Variants in TSPAN5 observed in about 807,000 individuals in gnomAD.
The protein encoded by TSPAN5 is tetraspanin-5.
In TSPAN5, 10 loss-of-function variants were observed where a neutral mutation model predicts 37.1. The ratio of observed to expected loss-of-function variants is 0.27; its 90% CI spans 0.17 to 0.46. The LOEUF (loss-of-function observed/expected upper bound fraction) is 0.46. Ranked by LOEUF, TSPAN5 falls within the 20% of genes least tolerant of loss-of-function variation. TSPAN5 has a pLI of 1.00. For missense variants in TSPAN5, 195 were observed against 326.6 expected, an observed-to-expected ratio of 0.60 and a Z score of 3.11; for synonymous variants, 110 against 118.9, an observed-to-expected ratio of 0.93 and a Z score of 0.48.
intron 2 of TSPAN5, among the ~76,000 whole-genome samples, chr4:98,493,096 G>A (rs1753120278): frequency 6.6e-6 from 1 of 152,124 alleles, no homozygotes; most frequent in Non-Finnish European, 1.5e-5. Context: ...AAGATCACTT[G>A]AGCCCACGAG....
At chr4:98,543,113 T>C (rs1343891887) in intron 1 of TSPAN5, among the ~76,000 whole-genome samples, 3 of 152,186 alleles carry the variant, frequency 2.0e-5, no homozygotes, top group African/African-American at 7.2e-5. Context: ...AATATACTAC[T>C]TCAAAATCGT....
intron 1 of TSPAN5, among the ~76,000 whole-genome samples, chr4:98,599,124 A>T (rs1361643071): frequency 6.6e-6 from 1 of 152,210 alleles, no homozygotes; most frequent in Non-Finnish European, 1.5e-5. Flanking sequence ...TATAATCTAA[A>T]AAGCCATTTT....
rs1194318640 is a variant in TSPAN5, at chr4:98,533,939, T to TAAAAAAAAAAAAAAAAAAAAAAAAAAAA, written c.82-26212_82-26211insTTTTTTTTTTTTTTTTTTTTTTTTTTTT. Among the ~76,000 whole-genome samples, 24 of 31,154 alleles carry TAAAAAAAAAAAAAAAAAAAAAAAAAAAA rather than the reference T, an allele frequency of 7.7e-4. 5 individuals are homozygous for TAAAAAAAAAAAAAAAAAAAAAAAAAAAA. Among genetic ancestry groups the TAAAAAAAAAAAAAAAAAAAAAAAAAAAA allele is most frequent in the African/African-American group, 9.2e-4 (5 of 5,450 alleles). 20.4% of individuals were successfully genotyped at this position (31,154 alleles called of 152,430 possible). A position where few individuals can be genotyped will look rare whatever the true frequency, so the allele number is the denominator to read the frequency against. On this transcript the variant is annotated intron_variant, in intron 1 of 7. Coordinates refer to ENST00000305798, the MANE Select transcript of TSPAN5 (RefSeq NM_005723.4). ...AGTGGTCTATCCATTTTGTTGATCT[T>TAAAAAAAAAAAAAAAAAAAAAAAAAAAA]AAAAAAAAAAAAAAAAAAAAAAACC...
rs1752555128 is a variant in TSPAN5 at position 98,470,390 on chromosome 4, T to C, written c.*2132A>G. 2 of 152,248 alleles carry C rather than the reference T, an allele frequency of 1.3e-5. No homozygotes were observed. The highest frequency in any genetic ancestry group is 6.5e-5 in the Admixed American group (1 of 15,286). The allele number at this position is 152,248 out of a possible 1,614,324, so 9.4% of individuals were successfully genotyped here. On this transcript the variant is annotated 3_prime_UTR_variant, in exon 8 of 8. Transcript: ENST00000305798. ...TGTAAGGTAGAACCAAGTTTATTAA[T>C]GACAGCCTTTATTACAATCACTCTC...
intron 1 of TSPAN5, among the ~76,000 whole-genome samples, chr4:98,572,147 A>G (rs934097151): frequency 2.0e-5 from 3 of 152,046 alleles, no homozygotes; most frequent in African/African-American, 7.2e-5. Context: ...TATTTTTAGT[A>G]GAGACGGGGT....
At chr4:98,490,658 T>C (rs1041615195) in intron 2 of TSPAN5, among the ~76,000 whole-genome samples, 1 of 152,238 alleles carries the variant, frequency 6.6e-6, no homozygotes, top group African/African-American at 2.4e-5. Flanking sequence ...CACGTAGTTA[T>C]CAGTTGAAAA....
Position 98,478,602 on chromosome 4 carries a change from A to G in TSPAN5, c.576+83T>C. 2 of 1,580,622 alleles carry G rather than the reference A, an allele frequency of 1.3e-6. 1 individual carries two copies. Among genetic ancestry groups the G allele is most frequent in the South Asian group, 2.2e-5 (2 of 90,100 alleles). Reference sequence around the variant, plus strand: ...AGTAACCAGGTAAGAAGAGGGTTCAACCAAAAAATCACTCTGCTCGTCCCA... The same window carrying G: ...AGTAACCAGGTAAGAAGAGGGTTCAGCCAAAAAATCACTCTGCTCGTCCCA... On this transcript the variant is annotated intron_variant, in intron 5 of 7. Coordinates refer to ENST00000305798, the MANE Select transcript of TSPAN5 (RefSeq NM_005723.4).
chr4:98,628,187 A>T (rs549392372), intron 1 of TSPAN5, among the ~76,000 whole-genome samples: 80 of 152,364 alleles, frequency 5.3e-4, no homozygotes, highest in Non-Finnish European at 9.3e-4. Flanking sequence ...TGTTCACTGT[A>T]CAAAAGGACT....
At chr4:98,614,381 T>C (rs994930090) in intron 1 of TSPAN5, among the ~76,000 whole-genome samples, 2 of 151,622 alleles carry the variant, frequency 1.3e-5, no homozygotes, top group Admixed American at 1.3e-4. Context: ...GCGGGTAGAG[T>C]GGGCTGCATT....
At chr4:98,563,491 G>C (rs1754923166) in intron 1 of TSPAN5, among the ~76,000 whole-genome samples, 2 of 152,062 alleles carry the variant, frequency 1.3e-5, no homozygotes, top group Non-Finnish European at 1.5e-5. Flanking sequence ...TTTGTCCTTT[G>C]GCTCATACAT....
intron 1 of TSPAN5, among the ~76,000 whole-genome samples, chr4:98,618,776 T>C (rs1756406293): frequency 6.6e-6 from 1 of 152,160 alleles, no homozygotes; most frequent in Non-Finnish European, 1.5e-5. Context: ...TAAGCAGCAA[T>C]CACCTTCCAT....
intron 1 of TSPAN5, among the ~76,000 whole-genome samples, chr4:98,608,209 T>C (rs942441903): frequency 1.3e-5 from 2 of 152,172 alleles, no homozygotes; most frequent in South Asian, 2.1e-4. Context: ...CCGTTCCCTA[T>C]CACAGATAAA....
intron 1 of TSPAN5, among the ~76,000 whole-genome samples, chr4:98,601,344 C>T (rs546430615): frequency 2.0e-5 from 3 of 152,226 alleles, no homozygotes; most frequent in African/African-American, 7.2e-5. Context: ...CAATAGCAGG[C>T]TGTTTCATCT....
intron 5 of TSPAN5, among the ~76,000 whole-genome samples, chr4:98,476,773 G>A (rs1752711250): frequency 6.6e-6 from 1 of 152,138 alleles, no homozygotes. Context: ...GAAGCTTATG[G>A]GATTTAGGGA....
At chr4:98,613,117 T>C (rs1450213694) in intron 1 of TSPAN5, among the ~76,000 whole-genome samples, 1 of 148,608 alleles carries the variant, frequency 6.7e-6, no homozygotes, top group Admixed American at 6.8e-5. Flanking sequence ...TCACAACACA[T>C]CTGGGTTGAG....
In TSPAN5 at chr4:98,558,275, A is replaced by G. The variant is rs558041742; in HGVS notation, c.82-50547T>C. ...GCACCAGGGAACAAGCATTTCTAACATAAGGTGTTAGTAACAGGGGAAAAT... is the reference window on the plus strand; with the variant it reads ...GCACCAGGGAACAAGCATTTCTAACGTAAGGTGTTAGTAACAGGGGAAAAT... On this transcript the variant is annotated intron_variant, in intron 1 of 7. Coordinates refer to ENST00000305798, the MANE Select transcript of TSPAN5 (RefSeq NM_005723.4). 3.3e-5 allele frequency among the ~76,000 whole-genome samples: 5 copies of G among 149,258 alleles called. No individual in the cohort carries two copies. The South Asian group carries it at 1.1e-3, about 32-fold the overall frequency.
At chr4:98,497,924 A>G (rs1753252334) in intron 2 of TSPAN5, among the ~76,000 whole-genome samples, 1 of 152,122 alleles carries the variant, frequency 6.6e-6, no homozygotes, top group Non-Finnish European at 1.5e-5. Context: ...AGAAGAGATG[A>G]AGAGGCTGGT....
At chr4:98,508,932 A>G (rs1753539761) in intron 1 of TSPAN5, among the ~76,000 whole-genome samples, 1 of 130,758 alleles carries the variant, frequency 7.6e-6, no homozygotes, top group African/African-American at 3.0e-5. Flanking sequence ...CTTAAAATCC[A>G]TGGTATCTCA....
chr4:98,621,996 A>G (rs1169052771), intron 1 of TSPAN5, among the ~76,000 whole-genome samples: 3 of 152,084 alleles, frequency 2.0e-5, no homozygotes, highest in African/African-American at 4.8e-5. Flanking sequence ...GTATACCACA[A>G]TTTGTTTACC....
Sources: allele counts gnomAD v4.1 joint callset (sites outside exome capture counted in the v4.1 genomes callset), GRCh38; gene constraint gnomAD v4.1.1; transcripts MANE v1.5; gene names NCBI Gene and HGNC (gene_info 2026-07-23, HGNC 2026-07-21).